Variants in ARHGAP6 observed in about 807,000 individuals in gnomAD.
ARHGAP6 encodes the protein Rho GTPase activating protein 6, also known as rho GTPase-activating protein 6.
In ARHGAP6, 16 loss-of-function variants were observed where a neutral mutation model predicts 55.7. That is an observed-to-expected ratio of 0.29 (90% confidence interval 0.19 to 0.44). ARHGAP6 has a LOEUF of 0.44. ARHGAP6 is among the 20% of genes least tolerant of loss of function. The probability of loss-of-function intolerance (pLI) is 1.00; values close to 1 mark genes in which losing one functional copy is unlikely to be tolerated. For missense variants in ARHGAP6, 698 were observed against 808.9 expected (o/e 0.86, Z 1.66); for synonymous variants, 382 against 360.9 (o/e 1.06, Z -0.66).
chrX:11,232,002 A>G (rs1283670179), intron 2 of ARHGAP6, among the ~76,000 whole-genome samples: 1 of 111,843 alleles, frequency 8.9e-6, no homozygotes, highest in African/African-American at 3.3e-5. Flanking sequence ...ATATGTATGG[A>G]GTAAATGTGA....
At chrX:11,623,152 A>G (rs1302233102) in intron 1 of ARHGAP6, among the ~76,000 whole-genome samples, 2 of 111,741 alleles carry the variant, frequency 1.8e-5, no homozygotes, top group African/African-American at 6.5e-5. Context: ...ATAATCATGT[A>G]TTTAGGAAAA....
chrX:11,618,310 G>A lies in ARHGAP6; in HGVS notation c.588+45931C>T, dbSNP rs187874418. On this transcript the variant is annotated intron_variant, in intron 1 of 12. Transcript: ENST00000337414. The stretch of plus-strand genomic sequence containing the variant: ...AATTTGTGCTGTTCCAAGCCACTAA[G>A]TTTGCAGTAATTTGTAACAGCAGCA... 3.2e-3 allele frequency among the ~76,000 whole-genome samples: 354 copies of A among 112,309 alleles called. 2 individuals are homozygous for A. The highest frequency in any genetic ancestry group is 0.011 in the African/African-American group (337 of 30,967).
At chrX:11,448,762 G>A (rs1331929500) in intron 1 of ARHGAP6, among the ~76,000 whole-genome samples, 1 of 111,094 alleles carries the variant, frequency 9.0e-6, no homozygotes. Flanking sequence ...AAATGAGTGC[G>A]TTCATCTTAG....
chrX:11,400,397 A>G (rs1310772607), intron 1 of ARHGAP6, among the ~76,000 whole-genome samples: 1 of 110,229 alleles, frequency 9.1e-6, no homozygotes, highest in East Asian at 2.9e-4. Flanking sequence ...GGCATTTCAT[A>G]GAAGAGAAAG....
intron 1 of ARHGAP6, among the ~76,000 whole-genome samples, chrX:11,325,762 T>C (rs1273304306): frequency 8.9e-6 from 1 of 112,509 alleles, no homozygotes; most frequent in Non-Finnish European, 1.9e-5. Flanking sequence ...AATATGCTAA[T>C]TTGCTAGATT....
intron 8 of ARHGAP6, 139 bp downstream of exon 8, chrX:11,177,961 G>T: frequency 1.3e-6 from 1 of 780,342 alleles, no homozygotes; most frequent in Non-Finnish European, 1.9e-6. Flanking sequence ...CCCTGCATTA[G>T]TCTCTTCCTA....
At chrX:11,239,911 AT>A (rs1449946726) in intron 2 of ARHGAP6, among the ~76,000 whole-genome samples, 1 of 112,031 alleles carries the variant, frequency 8.9e-6, no homozygotes, top group Admixed American at 9.5e-5. Flanking sequence ...AAAATTCATT[AT>A]TTCATCTCAT....
At chrX:11,150,645 A>G (rs2045762265) in intron 10 of ARHGAP6, among the ~76,000 whole-genome samples, 1 of 112,046 alleles carries the variant, frequency 8.9e-6, no homozygotes, top group African/African-American at 3.2e-5. Context: ...CTCAGTTGGA[A>G]CCAAGATAAA....
At position 11,660,586 on chromosome X, in the gene ARHGAP6, G is replaced by T. The variant is rs1190726623; in HGVS notation, c.588+3655C>A. ...AAAAAAAAAAAAAAAAAACCCAACAGGTCTGATTTCTGACTTTATTCGGTC... is the reference window on the plus strand; with the variant it reads ...AAAAAAAAAAAAAAAAAACCCAACATGTCTGATTTCTGACTTTATTCGGTC... On this transcript the variant is annotated intron_variant, in intron 1 of 12. Coordinates refer to ENST00000337414, the MANE Select transcript of ARHGAP6 (RefSeq NM_013427.3). Among the ~76,000 whole-genome samples the T allele has an allele frequency of 5.9e-5, 5 of 84,948 alleles. 1 individual carries two copies. The East Asian group carries it at 1.7e-3, about 30-fold the overall frequency. The allele number at this position is 84,948 out of a possible 115,157, so 73.8% of individuals were successfully genotyped here. A position where few individuals can be genotyped will look rare whatever the true frequency, so the allele number is the denominator to read the frequency against.
At chrX:11,480,896 C>T (rs1488956125) in intron 1 of ARHGAP6, among the ~76,000 whole-genome samples, 1 of 111,834 alleles carries the variant, frequency 8.9e-6, no homozygotes, top group Non-Finnish European at 1.9e-5. Context: ...TCATTGCTGC[C>T]CTTTCTGCCA....
intron 1 of ARHGAP6, among the ~76,000 whole-genome samples, chrX:11,540,712 T>C (rs772704508): frequency 7.1e-5 from 8 of 112,308 alleles, no homozygotes; most frequent in Admixed American, 5.6e-4. Flanking sequence ...TAGAAGAACA[T>C]AGTGTACTTC....
intron 1 of ARHGAP6, among the ~76,000 whole-genome samples, chrX:11,608,170 C>G (rs2052057536): frequency 9.0e-6 from 1 of 111,462 alleles, no homozygotes; most frequent in Admixed American, 9.5e-5. Context: ...GGTAACCCGG[C>G]AAACATGGCA....
intron 1 of ARHGAP6, chrX:11,351,539 A>G (rs2048863941): frequency 7.8e-6 from 7 of 891,776 alleles, no homozygotes; most frequent in Non-Finnish European, 9.7e-6. Flanking sequence ...TAGAGTAGAA[A>G]GGGGAAGTGA....
chrX:11,254,826 TG>T (rs1224741249), intron 1 of ARHGAP6, 119 bp from the exon 2 acceptor site: 1 of 891,171 alleles, frequency 1.1e-6, no homozygotes, highest in Non-Finnish European at 1.5e-6. Context: ...GTTCCAAAAT[TG>T]GGTCTCAATT....
At chrX:11,191,840 C>T (rs1186433887) in intron 3 of ARHGAP6, among the ~76,000 whole-genome samples, 2 of 111,544 alleles carry the variant, frequency 1.8e-5, no homozygotes, top group African/African-American at 6.5e-5. Flanking sequence ...TGAAATGCTC[C>T]CTGTCCTTTG....
At chrX:11,147,309 C>T (rs943077851) in intron 10 of ARHGAP6, among the ~76,000 whole-genome samples, 1 of 112,267 alleles carries the variant, frequency 8.9e-6, no homozygotes, top group African/African-American at 3.2e-5. Flanking sequence ...TACACAGACA[C>T]ATATTACATA....
intron 1 of ARHGAP6, among the ~76,000 whole-genome samples, chrX:11,361,578 C>G (rs1483185544): frequency 1.8e-5 from 2 of 109,913 alleles, no homozygotes; most frequent in Non-Finnish European, 3.8e-5. Context: ...CAATACCATT[C>G]AGGACATAGG....
intron 1 of ARHGAP6, among the ~76,000 whole-genome samples, chrX:11,353,839 G>A (rs2048892649): frequency 9.0e-6 from 1 of 110,695 alleles, no homozygotes; most frequent in Non-Finnish European, 1.9e-5. Flanking sequence ...TGTACTCATA[G>A]AGTGGGTGAA....
intron 1 of ARHGAP6, among the ~76,000 whole-genome samples, chrX:11,541,933 T>C (rs574126540): frequency 1.8e-5 from 2 of 112,573 alleles, no homozygotes; most frequent in Admixed American, 9.4e-5. Flanking sequence ...TGAAAGCATA[T>C]AACATCACAT....
Sources: allele counts gnomAD v4.1 joint callset (sites outside exome capture counted in the v4.1 genomes callset), GRCh38; gene constraint gnomAD v4.1.1; transcripts MANE v1.5; gene names NCBI Gene and HGNC (gene_info 2026-07-23, HGNC 2026-07-21).